The following IDE variants were observed in gnomAD, a reference collection of about 807,000 sequenced individuals.
IDE encodes insulin degrading enzyme.
IDE carries 58 observed loss-of-function variants against 133.2 expected under a neutral mutation model. That is an observed-to-expected ratio of 0.44 (90% CI 0.35 to 0.54). The LOEUF is 0.54. IDE is among the 20% of genes least tolerant of loss of function. The pLI, the probability that IDE is intolerant of heterozygous loss-of-function variation, is 0.00. For synonymous variants in IDE, 396 were observed against 421.3 expected (o/e 0.94, Z 0.73); for missense variants, 981 against 1,234.0 (o/e 0.79, Z 3.07).
At chr10:92,477,488 C>T (rs985347434) in intron 15 of IDE, among the ~76,000 whole-genome samples, 1 of 152,144 alleles carries the variant, frequency 6.6e-6, no homozygotes, top group Admixed American at 6.6e-5. Flanking sequence ...TCTCTAAATG[C>T]CTAACATTTT....
chr10:92,452,439 G>C lies in IDE; in HGVS notation c.*2005C>G, dbSNP rs1372685865. 6.6e-6 allele frequency: 1 copy of C among 152,196 alleles called. No homozygotes were observed. The highest frequency in any genetic ancestry group is 2.4e-5 in the African/African-American group (1 of 41,450). The allele number at this position is 152,196 out of a possible 1,614,324, so 9.4% of individuals were successfully genotyped here. ...TAAACTGCAGTATCTGGGGTAGTCT[G>C]TTATTGCTCATGGACTGCAGCTTGG... On this transcript the variant is annotated 3_prime_UTR_variant, in exon 25 of 25. Coordinates refer to ENST00000265986, the MANE Select transcript of IDE (RefSeq NM_004969.4).
rs147880977 is a variant in IDE at position 92,508,920 on chromosome 10, A to G, written c.898-30T>C. 5.8e-6 allele frequency: 9 copies of G among 1,541,890 alleles called. No individual in the cohort carries two copies. In the East Asian group the frequency reaches 2.0e-4, roughly 35 times the overall value. On this transcript the variant is annotated intron_variant, in intron 6 of 24. Coordinates refer to ENST00000265986, the MANE Select transcript of IDE (RefSeq NM_004969.4). ...AGAAAACAAATCACAGAGATTAGCT[A>G]TATACGACTCCTACTGAAGAAAATA...
At chr10:92,459,351 T>C (rs766997993) in intron 22 of IDE, among the ~76,000 whole-genome samples, 10 of 152,196 alleles carry the variant, frequency 6.6e-5, no homozygotes, top group Non-Finnish European at 1.2e-4. Flanking sequence ...GGAGAAAATG[T>C]GATCAAGCCT....
At chr10:92,550,577 G>A (rs1842731867) in intron 1 of IDE, among the ~76,000 whole-genome samples, 1 of 150,800 alleles carries the variant, frequency 6.6e-6, no homozygotes, top group African/African-American at 2.4e-5. Flanking sequence ...TGTGAACCCA[G>A]GAGGCGGAGC....
chr10:92,506,858 T>G (rs1848318358), intron 9 of IDE, among the ~76,000 whole-genome samples: 1 of 152,120 alleles, frequency 6.6e-6, no homozygotes, highest in South Asian at 2.1e-4. Context: ...TGAAAGAACC[T>G]TGTGAGATCC....
chr10:92,504,766 T>A, intron 11 of IDE, 28 bp downstream of exon 11: 1 of 1,141,040 alleles, frequency 8.8e-7, no homozygotes, highest in Non-Finnish European at 1.3e-6. Flanking sequence ...ATTTAGTGTA[T>A]AATAGTAAAA....
chr10:92,568,439 A>T (rs572631219), intron 1 of IDE, among the ~76,000 whole-genome samples: 1 of 152,360 alleles, frequency 6.6e-6, no homozygotes, highest in South Asian at 2.1e-4. Context: ...TAAAATAAAC[A>T]ATAAAACTAA....
intron 13 of IDE, 38 bp downstream of exon 13, chr10:92,487,158 G>A (rs756074229): frequency 4.4e-6 from 7 of 1,590,452 alleles, no homozygotes; most frequent in Middle Eastern, 1.7e-4. Context: ...TATTAGGTCT[G>A]TCCCCCAAAT....
chr10:92,473,767 G>A lies in IDE; in HGVS notation c.2116+1074C>T, dbSNP rs555020565. 2.0e-5 allele frequency among the ~76,000 whole-genome samples: 3 copies of A among 152,252 alleles called. No individual in the cohort carries two copies. The East Asian group carries it at 5.8e-4, about 29-fold the overall frequency. ...AGGCCAAGGCAGGCGGATCACCGGA[G>A]GTCAGGAGTTCAAGACCAGCCTGGC... is the stretch of plus-strand genomic sequence containing the variant. On this transcript the variant is annotated intron_variant, in intron 17 of 24. Transcript: ENST00000265986.
At position 92,462,594 on chromosome 10, in the gene IDE, C is replaced by T. The variant is rs191334998; in HGVS notation, c.2761+1137G>A. ...TGCACTCCAGCCTGGGCAACAAGAG[C>T]GAAACTCCATCTTAAAAAAAAAATA... is the stretch of plus-strand genomic sequence containing the variant. On this transcript the variant is annotated intron_variant, in intron 21 of 24. Coordinates refer to ENST00000265986, the MANE Select transcript of IDE (RefSeq NM_004969.4). 1.1e-4 allele frequency among the ~76,000 whole-genome samples: 16 copies of T among 151,998 alleles called. No individual in the cohort carries two copies. The East Asian group carries it at 2.3e-3, about 22-fold the overall frequency.
At chr10:92,503,106 A>T (rs1848110745) in intron 11 of IDE, among the ~76,000 whole-genome samples, 1 of 152,162 alleles carries the variant, frequency 6.6e-6, no homozygotes, top group Non-Finnish European at 1.5e-5. Flanking sequence ...ATTCCAATTT[A>T]AAAATTCTAG....
intron 4 of IDE, among the ~76,000 whole-genome samples, chr10:92,521,384 T>C (rs369520714): frequency 7.2e-5 from 11 of 151,802 alleles, no homozygotes; most frequent in African/African-American, 2.7e-4. Flanking sequence ...TAAACTACAT[T>C]GTTAGGGGTG....
chr10:92,554,323 G>A (rs1364446005), intron 1 of IDE, among the ~76,000 whole-genome samples: 1 of 152,122 alleles, frequency 6.6e-6, no homozygotes, highest in Non-Finnish European at 1.5e-5. Context: ...GGAGGCTGGG[G>A]TGGGAGGATG....
At chr10:92,478,871 G>T in intron 15 of IDE, 1 of 622,684 alleles carries the variant, frequency 1.6e-6, no homozygotes, top group Non-Finnish European at 2.1e-6. Flanking sequence ...GAAGAGTATG[G>T]ATATGCAGCC....
chr10:92,458,659 G>A (rs937699390), intron 22 of IDE, among the ~76,000 whole-genome samples: 3 of 151,722 alleles, frequency 2.0e-5, no homozygotes, highest in African/African-American at 7.3e-5. Flanking sequence ...GCACCACCAC[G>A]CCTGGCTAAT....
At chr10:92,516,185 C>CAA (rs759416042) in intron 4 of IDE, among the ~76,000 whole-genome samples, 83 of 125,436 alleles carry the variant, frequency 6.6e-4, no homozygotes, top group African/African-American at 1.7e-3. Context: ...AACTCCGTCT[C>CAA]AAAAAAAAAA....
chr10:92,563,797 A>C (rs1396206469), intron 1 of IDE, among the ~76,000 whole-genome samples: 1 of 152,146 alleles, frequency 6.6e-6, no homozygotes, highest in Non-Finnish European at 1.5e-5. Flanking sequence ...CAAATCTTTA[A>C]GTTCAATTAA....
intron 2 of IDE, among the ~76,000 whole-genome samples, chr10:92,535,604 G>A (rs980595501): frequency 6.6e-6 from 1 of 152,112 alleles, no homozygotes; most frequent in Non-Finnish European, 1.5e-5. Context: ...AAATCACCCT[G>A]GTAGTCTAAG....
chr10:92,508,281 T>TC, intron 7 of IDE, 76 bp from the exon 8 acceptor site: 1 of 1,078,008 alleles, frequency 9.3e-7, no homozygotes, highest in African/African-American at 1.6e-5. Flanking sequence ...TTTTAAAAAT[T>TC]CATACTGTAT....
Sources: gnomAD v4.1 joint callset for allele counts (sites outside exome capture counted in the v4.1 genomes callset) on GRCh38, gnomAD v4.1.1 for gene constraint, MANE v1.5 for transcripts, NCBI Gene and HGNC (gene_info 2026-07-23, HGNC 2026-07-21) for gene names.